Variants in SYNDIG1 observed in about 807,000 individuals in gnomAD.
SYNDIG1 encodes the protein synapse differentiation inducing 1.
In SYNDIG1, 9 loss-of-function variants were observed where a neutral mutation model predicts 19.4. That is an observed-to-expected ratio of 0.46 (90% CI 0.28 to 0.81). SYNDIG1 has a LOEUF of 0.81. SYNDIG1 is among the 30% of genes least tolerant of loss of function. The probability of loss-of-function intolerance (pLI) is 0.12; values close to 1 mark genes in which losing one functional copy is unlikely to be tolerated. For missense variants in SYNDIG1, 311 were observed against 343.3 expected, an observed-to-expected ratio of 0.91 and a Z score of 0.74; for synonymous variants, 141 against 145.9, an observed-to-expected ratio of 0.97 and a Z score of 0.24.
At chr20:24,533,689 G>T (rs1440841101) in intron 1 of SYNDIG1, among the ~76,000 whole-genome samples, 1 of 152,146 alleles carries the variant, frequency 6.6e-6, no homozygotes, top group East Asian at 1.9e-4. Flanking sequence ...CAGGACAAAG[G>T]TGCTGGGTGC....
chr20:24,626,921 C>T (rs527885981), intron 3 of SYNDIG1, among the ~76,000 whole-genome samples: 172 of 152,348 alleles, frequency 1.1e-3, no homozygotes, highest in African/African-American at 3.9e-3. Context: ...CAAAAAAATA[C>T]GAAAACCAGT....
intron 3 of SYNDIG1, among the ~76,000 whole-genome samples, chr20:24,656,115 G>T (rs992716119): frequency 6.6e-6 from 1 of 152,200 alleles, no homozygotes; most frequent in African/African-American, 2.4e-5. Flanking sequence ...GGGTTATACG[G>T]TGCTGTTCTT....
At chr20:24,501,819 A>G (rs1256952148) in intron 1 of SYNDIG1, among the ~76,000 whole-genome samples, 1 of 152,212 alleles carries the variant, frequency 6.6e-6, no homozygotes, top group Non-Finnish European at 1.5e-5. Context: ...AGTTTTATGC[A>G]TCAGAGCAAG....
At chr20:24,626,564 C>T (rs1202169507) in intron 3 of SYNDIG1, among the ~76,000 whole-genome samples, 3 of 151,660 alleles carry the variant, frequency 2.0e-5, no homozygotes, top group Admixed American at 6.6e-5. Context: ...GGATGGCGGC[C>T]GGGCAGAGAC....
chr20:24,618,161 AGGGAAGGGGGAGACCCTG>A (rs1295134867), intron 3 of SYNDIG1, among the ~76,000 whole-genome samples: 2 of 50,088 alleles, frequency 4.0e-5, no homozygotes, highest in African/African-American at 7.9e-5. Context: ...GGGAGAGCCC[AGGGAAGGGGGAGACCCTG>A]GGGAAGGGGG....
chr20:24,616,373 C>T (rs1307398685), intron 3 of SYNDIG1, among the ~76,000 whole-genome samples: 3 of 152,262 alleles, frequency 2.0e-5, no homozygotes, highest in Admixed American at 6.5e-5. Flanking sequence ...TTCACCAAGG[C>T]CTTTCCAGGG....
intron 1 of SYNDIG1, among the ~76,000 whole-genome samples, chr20:24,489,813 C>T (rs529529435): frequency 4.6e-4 from 70 of 152,360 alleles, no homozygotes; most frequent in African/African-American, 1.7e-3. Flanking sequence ...GGTTCAGGGA[C>T]AGACTCGAGC....
chr20:24,554,930 G>C (rs1194771953), intron 2 of SYNDIG1, among the ~76,000 whole-genome samples: 1 of 151,754 alleles, frequency 6.6e-6, no homozygotes, highest in East Asian at 1.9e-4. Flanking sequence ...AATCCATCTG[G>C]TCCTGGACTC....
At chr20:24,550,654 G>A (rs534827709) in intron 2 of SYNDIG1, among the ~76,000 whole-genome samples, 7 of 151,926 alleles carry the variant, frequency 4.6e-5, no homozygotes, top group East Asian at 2.0e-4. Flanking sequence ...GACTACAGGC[G>A]CCCGCCACCA....
chr20:24,588,941 C>G (rs1234537007), intron 3 of SYNDIG1, among the ~76,000 whole-genome samples: 1 of 111,664 alleles, frequency 9.0e-6, no homozygotes, highest in East Asian at 3.0e-4. Flanking sequence ...GGGGAGGCAT[C>G]TGGCTTGTCC....
At chr20:24,650,638 C>T (rs774296451) in intron 3 of SYNDIG1, among the ~76,000 whole-genome samples, 3 of 152,240 alleles carry the variant, frequency 2.0e-5, no homozygotes, top group Non-Finnish European at 4.4e-5. Context: ...AGCACCAGCC[C>T]AGCCTCCCAG....
At chr20:24,612,204 A>T (rs1426772054) in intron 3 of SYNDIG1, among the ~76,000 whole-genome samples, 1 of 152,214 alleles carries the variant, frequency 6.6e-6, no homozygotes, top group Non-Finnish European at 1.5e-5. Context: ...AGGAGCACGG[A>T]CGCCTCCCAA....
At chr20:24,476,183 G>GT (rs938136848) in intron 1 of SYNDIG1, among the ~76,000 whole-genome samples, 129 of 151,932 alleles carry the variant, frequency 8.5e-4, no homozygotes, top group African/African-American at 3.0e-3. Context: ...TATCTTAACA[G>GT]TTTTTTTTCT....
chr20:24,517,232 A>G lies in SYNDIG1; in HGVS notation c.-78-25788A>G, dbSNP rs112275538. On this transcript the variant is annotated intron_variant, in intron 1 of 3. Coordinates refer to ENST00000376862, the MANE Select transcript of SYNDIG1 (RefSeq NM_024893.3). The stretch of plus-strand genomic sequence containing the variant: ...GAGTTAATGGGTTCAGCACACCAAC[A>G]TGGCACATGTGTACATATGTAACAA... Among the ~76,000 whole-genome samples, 491 of 152,012 alleles carry G rather than the reference A, an allele frequency of 3.2e-3. 2 individuals carry two copies. The highest frequency in any genetic ancestry group is 0.011 in the African/African-American group (446 of 41,464).
chr20:24,556,294 A>G (rs1286382626), intron 2 of SYNDIG1, among the ~76,000 whole-genome samples: 1 of 152,160 alleles, frequency 6.6e-6, no homozygotes, highest in Admixed American at 6.5e-5. Flanking sequence ...TGGAGCATTT[A>G]GTCCATTTAC....
chr20:24,541,893 C>T (rs2057476162), intron 1 of SYNDIG1, among the ~76,000 whole-genome samples: 1 of 152,190 alleles, frequency 6.6e-6, no homozygotes, highest in Non-Finnish European at 1.5e-5. Context: ...ATGGCAGCCT[C>T]ATTAGAGGCA....
chr20:24,640,452 A>G (rs2059362811), intron 3 of SYNDIG1, among the ~76,000 whole-genome samples: 1 of 140,670 alleles, frequency 7.1e-6, no homozygotes, highest in South Asian at 2.5e-4. Context: ...AAGGAAATGA[A>G]GGAAGAAGGG....
chr20:24,644,739 C>T (rs1258909090), intron 3 of SYNDIG1, among the ~76,000 whole-genome samples: 1 of 152,170 alleles, frequency 6.6e-6, no homozygotes, highest in East Asian at 1.9e-4. Flanking sequence ...CCAGAACAGC[C>T]CATTCTCCAG....
chr20:24,665,200 A>T, intron 3 of SYNDIG1, 146 bp from the exon 4 acceptor site: 1 of 964,546 alleles, frequency 1.0e-6, no homozygotes, highest in Non-Finnish European at 1.5e-6. Flanking sequence ...TGCCCTGGTC[A>T]TAGCAGGGGT....
Sources: gnomAD v4.1 joint callset for allele counts (sites outside exome capture counted in the v4.1 genomes callset) on GRCh38, gnomAD v4.1.1 for gene constraint, MANE v1.5 for transcripts, NCBI Gene and HGNC (gene_info 2026-07-23, HGNC 2026-07-21) for gene names.